The following NALF2 variants were observed in gnomAD, a reference collection of about 807,000 sequenced individuals.
The protein encoded by NALF2 is NALCN channel auxiliary factor 2.
In NALF2, 1 loss-of-function variant was observed where a neutral mutation model predicts 24.8. That is an observed-to-expected ratio of 0.04 (90% CI 0.01 to 0.19). The LOEUF (loss-of-function observed/expected upper bound fraction) is 0.19, where lower values mean the gene tolerates loss of function less well. Ranked by LOEUF, NALF2 falls within the 10% of genes least tolerant of loss-of-function variation. The probability of loss-of-function intolerance (pLI) is 1.00; values close to 1 mark genes in which losing one functional copy is unlikely to be tolerated. For missense variants in NALF2, 458 were observed against 409.6 expected (o/e 1.12, Z -1.02); for synonymous variants, 254 against 189.8 (o/e 1.34, Z -2.78).
intron 1 of NALF2, among the ~76,000 whole-genome samples, chrX:69,523,326 T>C (rs1431732431): frequency 8.9e-6 from 1 of 112,104 alleles, no homozygotes; most frequent in Non-Finnish European, 1.9e-5. Context: ...GGCTTTGGGA[T>C]GTAAAAGTCT....
Position 69,505,647 on chromosome X carries a change from C to T in NALF2, c.365C>T (p.Thr122Ile). Residue 122 changes from threonine (T) to isoleucine (I), a missense_variant, in exon 1 of 3, where the codon ACC becomes ATC. Physicochemically the swap from Thr to Ile is moderately conservative, Grantham distance 89 (BLOSUM62 -1). Transcript: ENST00000252338. ...TGCGGCCCCAGATACAGCAACCTGACCAAAGCCGCCCCCGCCGCCGGCTCT... is the reference window on the plus strand; with the variant it reads ...TGCGGCCCCAGATACAGCAACCTGATCAAAGCCGCCCCCGCCGCCGGCTCT... ...GTCGPRYSNLTKAAPAAGSRP... is the reference protein window; with the variant it reads ...GTCGPRYSNLIKAAPAAGSRP... 8.3e-7 allele frequency: 1 copy of T among 1,200,868 alleles called. No homozygotes were observed. Among genetic ancestry groups the T allele is most frequent in the Non-Finnish European group, 1.1e-6 (1 of 893,042 alleles).
intron 1 of NALF2, among the ~76,000 whole-genome samples, chrX:69,515,510 T>C (rs756687933): frequency 1.8e-5 from 2 of 112,757 alleles, no homozygotes; most frequent in South Asian, 3.7e-4. Flanking sequence ...GAGACTAATA[T>C]GCAGCACACT....
chrX:69,526,979 A>G (rs968828438), intron 1 of NALF2, among the ~76,000 whole-genome samples: 2 of 112,198 alleles, frequency 1.8e-5, no homozygotes, highest in African/African-American at 6.5e-5. Context: ...GCGTTTTGAG[A>G]CCACTCTTCC....
chrX:69,518,259 C>T (rs895336002), intron 1 of NALF2, among the ~76,000 whole-genome samples: 2 of 112,016 alleles, frequency 1.8e-5, no homozygotes, highest in African/African-American at 6.5e-5. Context: ...GCAGTGTGGG[C>T]TGAGTCTAGC....
chrX:69,526,759 G>C (rs552291041), intron 1 of NALF2, among the ~76,000 whole-genome samples: 37 of 111,434 alleles, frequency 3.3e-4, no homozygotes, highest in African/African-American at 1.2e-3. Flanking sequence ...GACATGTCAA[G>C]AGTAGGGGGA....
rs1225335099 is a variant in NALF2 at position 69,505,595 on chromosome X, G to A, written c.313G>A (p.Gly105Ser). ...GCTGCCGCTGCCGCCGCCGCCGCCCGGCGAGCCCAGCGCGCCCCCAGGCAC... is the reference window on the plus strand; with the variant it reads ...GCTGCCGCTGCCGCCGCCGCCGCCCAGCGAGCCCAGCGCGCCCCCAGGCAC... ...AVLPLPPPPPGEPSAPPGTCG... is the reference protein window; with the variant it reads ...AVLPLPPPPPSEPSAPPGTCG... The change falls in exon 1 of 3, where the codon GGC (glycine) becomes AGC (serine). Residue 105 changes from glycine to serine, a missense_variant. Coordinates refer to ENST00000252338, the MANE Select transcript of NALF2 (RefSeq NM_015686.3). The A allele has an allele frequency of 9.5e-7, 1 of 1,055,919 alleles. No individual in the cohort carries two copies. The highest frequency in any genetic ancestry group is 4.0e-5 in the East Asian group (1 of 24,999). 87.0% of individuals were successfully genotyped at this position (1,055,919 alleles called of 1,213,427 possible). A position where few individuals can be genotyped will look rare whatever the true frequency, so the allele number is the denominator to read the frequency against.
rs1013855143 is a variant in NALF2 at position 69,505,792 on chromosome X, C to T, written c.510C>T (p.Asp170=). Residue 170 remains aspartate (D), a synonymous_variant, in exon 1 of 3, where the codon GAC becomes GAT. Coordinates refer to ENST00000252338, the MANE Select transcript of NALF2 (RefSeq NM_015686.3). ...TTPAPPLRPP[D]SLSRAPAEFP... ...CGGCCCCCCCTCTGCGGCCCCCTGA[C>T]TCCCTTTCCCGTGCCCCGGCCGAGT... The T allele has an allele frequency of 1.7e-6, 2 of 1,208,877 alleles. No individual in the cohort carries two copies. Among genetic ancestry groups the T allele is most frequent in the African/African-American group, 3.5e-5 (2 of 57,038 alleles).
intron 1 of NALF2, among the ~76,000 whole-genome samples, chrX:69,511,180 C>T (rs1466931626): frequency 9.2e-6 from 1 of 109,028 alleles, no homozygotes; most frequent in Non-Finnish European, 1.9e-5. Context: ...GACCTCACTC[C>T]CCACCTCTTT....
chrX:69,509,334 A>G (rs1930546162), intron 1 of NALF2, among the ~76,000 whole-genome samples: 1 of 108,518 alleles, frequency 9.2e-6, no homozygotes, highest in African/African-American at 3.4e-5. Flanking sequence ...ATGGCTCTCC[A>G]TCCTCCCAGT....
chrX:69,527,934 C>T (rs998640096), intron 1 of NALF2, among the ~76,000 whole-genome samples: 2 of 111,364 alleles, frequency 1.8e-5, no homozygotes, highest in Non-Finnish European at 3.8e-5. Flanking sequence ...GGAGACAATA[C>T]CCCTACCCCA....
intron 1 of NALF2, among the ~76,000 whole-genome samples, chrX:69,512,294 G>A (rs757419074): frequency 8.9e-6 from 1 of 112,219 alleles, no homozygotes; most frequent in East Asian, 2.8e-4. Context: ...TTCTCCCTGG[G>A]CATAAAAGTG....
chrX:69,528,867 C>A lies in NALF2; in HGVS notation c.862-126C>A, dbSNP rs959045183. The A allele has an allele frequency of 4.9e-6, 3 of 615,784 alleles. No individual in the cohort carries two copies. In the African/African-American group the frequency reaches 6.9e-5, roughly 14 times the overall value. 50.7% of individuals were successfully genotyped at this position (615,784 alleles called of 1,213,427 possible). The stretch of plus-strand genomic sequence containing the variant: ...TGATCCAAGCCCTTCTTCCTCTCTA[C>A]CCCCTGGATCTTGGGGTTAGGTTGG... On this transcript the variant is annotated intron_variant, in intron 1 of 2. Coordinates refer to ENST00000252338, the MANE Select transcript of NALF2 (RefSeq NM_015686.3).
chrX:69,505,721 T>G lies in NALF2; in HGVS notation c.439T>G (p.Cys147Gly). The stretch of plus-strand genomic sequence containing the variant: ...AGAGCCCACGGGGCTGGACGCAGCT[T>G]GCACCAAATTGCAATCTTTGCAGAG... ...VPEPTGLDAACTKLQSLQRLF... is the reference protein window; with the variant it reads ...VPEPTGLDAAGTKLQSLQRLF... The change falls in exon 1 of 3, where the codon TGC (cysteine) becomes GGC (glycine). Residue 147 changes from cysteine to glycine, a missense_variant. Physicochemically the swap from Cys to Gly is radical, Grantham distance 159. Transcript: ENST00000252338. 1 of 1,211,025 alleles carries G rather than the reference T, an allele frequency of 8.3e-7. No individual in the cohort carries two copies. The highest frequency in any genetic ancestry group is 1.1e-6 in the Non-Finnish European group (1 of 895,114).
rs750087721 is a variant in NALF2, at chrX:69,512,378, G to A, written c.861+6235G>A. Among the ~76,000 whole-genome samples, 4 of 111,604 alleles carry A rather than the reference G, an allele frequency of 3.6e-5. No homozygotes were observed. In the Admixed American group the frequency reaches 3.8e-4, roughly 11 times the overall value. On this transcript the variant is annotated intron_variant, in intron 1 of 2. Coordinates refer to ENST00000252338, the MANE Select transcript of NALF2 (RefSeq NM_015686.3). ...AGAGGGGAGGGCAAGGGCACCAGGC[G>A]AGCTGCAGCTGGCTCTGGAGAGGGA...
At chrX:69,510,641 G>T (rs993637957) in intron 1 of NALF2, among the ~76,000 whole-genome samples, 26 of 111,828 alleles carry the variant, frequency 2.3e-4, no homozygotes, top group African/African-American at 8.1e-4. Context: ...AGAGGAAGGG[G>T]CAGGCTGTCT....
intron 1 of NALF2, among the ~76,000 whole-genome samples, chrX:69,523,087 G>T (rs1254682454): frequency 8.9e-6 from 1 of 112,557 alleles, no homozygotes; most frequent in Non-Finnish European, 1.9e-5. Context: ...CTGGCCAAGG[G>T]CCCCAAGGGT....
At chrX:69,513,367 A>C (rs762974606) in intron 1 of NALF2, among the ~76,000 whole-genome samples, 73 of 112,495 alleles carry the variant, frequency 6.5e-4, no homozygotes, top group Non-Finnish European at 9.4e-4. Context: ...TTGGATGCCC[A>C]GTTCCCATGC....
intron 1 of NALF2, among the ~76,000 whole-genome samples, chrX:69,523,711 C>T (rs969106212): frequency 3.6e-5 from 4 of 111,515 alleles, no homozygotes; most frequent in Admixed American, 9.5e-5. Context: ...ACCCATCCCC[C>T]GCTGCCATCT....
At chrX:69,529,455 A>G in intron 2 of NALF2, 116 bp from the exon 3 acceptor site, 1 of 1,079,683 alleles carries the variant, frequency 9.3e-7, no homozygotes, top group Non-Finnish European at 1.2e-6. Context: ...GGCTGTGGGG[A>G]GGGAGCCTTA....
Sources: gnomAD v4.1 joint callset for allele counts (sites outside exome capture counted in the v4.1 genomes callset) on GRCh38, gnomAD v4.1.1 for gene constraint, MANE v1.5 for transcripts, NCBI Gene and HGNC (gene_info 2026-07-23, HGNC 2026-07-21) for gene names.